Variants in SAMD8 observed in about 807,000 individuals in gnomAD.
The protein encoded by SAMD8 is sterile alpha motif domain containing 8, also known as sphingomyelin synthase-related protein 1.
Under a neutral mutation model 42.0 loss-of-function variants are expected in SAMD8, and 20 were observed. The observed-to-expected ratio is 0.48, with a 90% CI of 0.34 to 0.69. The LOEUF is 0.69. Ranked by LOEUF, SAMD8 falls within the 30% of genes least tolerant of loss-of-function variation. The pLI is 0.01. For synonymous variants in SAMD8, 162 were observed against 173.0 expected (o/e 0.94, Z 0.50); for missense variants, 328 against 511.6 (o/e 0.64, Z 3.46).
chr10:75,149,748 A>G (rs1840237468), intron 1 of SAMD8, among the ~76,000 whole-genome samples: 3 of 152,120 alleles, frequency 2.0e-5, no homozygotes, highest in African/African-American at 7.2e-5. Context: ...AAAATATAAT[A>G]AATCTTCCTA....
intron 1 of SAMD8, among the ~76,000 whole-genome samples, chr10:75,141,836 T>A (rs1426933163): frequency 6.6e-6 from 1 of 150,896 alleles, no homozygotes; most frequent in East Asian, 2.0e-4. Context: ...CCACCACGCC[T>A]GGCCTGCCTT....
intron 2 of SAMD8, among the ~76,000 whole-genome samples, chr10:75,155,462 A>G (rs1230808659): frequency 6.6e-6 from 1 of 152,156 alleles, no homozygotes. Flanking sequence ...CCAAGCAAAA[A>G]AAAAAAAAAG....
At chr10:75,120,495 T>G (rs1848978869) in intron 1 of SAMD8, among the ~76,000 whole-genome samples, 1 of 151,988 alleles carries the variant, frequency 6.6e-6, no homozygotes, top group Admixed American at 6.6e-5. Flanking sequence ...GGTCTCTATC[T>G]CCTGACCTCG....
At chr10:75,143,140 T>G (rs959372905) in intron 1 of SAMD8, among the ~76,000 whole-genome samples, 2 of 152,058 alleles carry the variant, frequency 1.3e-5, no homozygotes, top group African/African-American at 4.8e-5. Flanking sequence ...AATCTCGTCT[T>G]TACTAAAAAT....
intron 1 of SAMD8, among the ~76,000 whole-genome samples, chr10:75,101,073 G>C (rs1217063416): frequency 6.6e-6 from 1 of 152,252 alleles, no homozygotes; most frequent in Admixed American, 6.5e-5. Context: ...CTCAGGGCAG[G>C]ACCAGTGAGG....
rs1019934210 is a variant in SAMD8 at position 75,181,034 on chromosome 10, C to G, written c.*4342C>G. The G allele has an allele frequency of 3.3e-5, 5 of 152,110 alleles. No homozygotes were observed. Among genetic ancestry groups the G allele is most frequent in the African/African-American group, 1.2e-4 (5 of 41,442 alleles). 9.4% of individuals were successfully genotyped at this position (152,110 alleles called of 1,614,324 possible). ...TAATTATTTTATAGTCTTTTATAGA[C>G]TTACATTTTCTTCATACTAAAGGTA... On this transcript the variant is annotated 3_prime_UTR_variant, in exon 6 of 6. Coordinates refer to ENST00000542569, the MANE Select transcript of SAMD8 (RefSeq NM_001174156.2).
chr10:75,107,248 T>C (rs1389707738), upstream of SAMD8, among the ~76,000 whole-genome samples: 1 of 151,414 alleles, frequency 6.6e-6, no homozygotes, highest in Non-Finnish European at 1.5e-5. Context: ...GACACGAAAA[T>C]TGCTTGAAGC....
At chr10:75,143,966 CTT>C (rs536028273) in intron 1 of SAMD8, among the ~76,000 whole-genome samples, 47 of 134,906 alleles carry the variant, frequency 3.5e-4, no homozygotes, top group African/African-American at 7.3e-4. Flanking sequence ...ATAATTTAAA[CTT>C]TTTTTTTTTT....
intron 1 of SAMD8, among the ~76,000 whole-genome samples, chr10:75,127,742 C>T (rs1397292237): frequency 1.3e-5 from 2 of 152,166 alleles, no homozygotes; most frequent in African/African-American, 4.8e-5. Flanking sequence ...AGCTGATAAT[C>T]CCAGTTACAT....
At chr10:75,112,273 G>T (rs777302603) in intron 1 of SAMD8, among the ~76,000 whole-genome samples, 1 of 152,244 alleles carries the variant, frequency 6.6e-6, no homozygotes, top group Non-Finnish European at 1.5e-5. Flanking sequence ...TGACTAGAAG[G>T]AGGAGGGCTG....
At chr10:75,137,615 C>T (rs191098347) in intron 1 of SAMD8, among the ~76,000 whole-genome samples, 1 of 151,252 alleles carries the variant, frequency 6.6e-6, no homozygotes, top group East Asian at 1.9e-4. Context: ...TGAAATGAGA[C>T]ACAAAAGAAC....
intron 1 of SAMD8, among the ~76,000 whole-genome samples, chr10:75,100,356 C>T (rs1848079963): frequency 1.3e-5 from 2 of 152,150 alleles, no homozygotes; most frequent in Admixed American, 1.3e-4. Flanking sequence ...GGGTGTTGCC[C>T]CACCTGTCCA....
At chr10:75,102,392 G>A (rs1206313577) in intron 1 of SAMD8, among the ~76,000 whole-genome samples, 1 of 152,062 alleles carries the variant, frequency 6.6e-6, no homozygotes, top group Non-Finnish European at 1.5e-5. Context: ...GCAGTGAGCC[G>A]AGATCGCGCC....
At chr10:75,138,268 G>C (rs866476899) in intron 1 of SAMD8, among the ~76,000 whole-genome samples, 8 of 152,260 alleles carry the variant, frequency 5.3e-5, no homozygotes, top group Middle Eastern at 3.4e-3. Flanking sequence ...TCTGCCACAG[G>C]CACTGAGTCA....
At chr10:75,134,605 A>T (rs1564681166) in intron 1 of SAMD8, among the ~76,000 whole-genome samples, 1 of 151,802 alleles carries the variant, frequency 6.6e-6, no homozygotes, top group Non-Finnish European at 1.5e-5. Flanking sequence ...ACTGCACTCC[A>T]GCTTGGGTGG....
chr10:75,174,254 C>T (rs987402047), intron 4 of SAMD8, among the ~76,000 whole-genome samples: 3 of 151,974 alleles, frequency 2.0e-5, no homozygotes, highest in East Asian at 1.9e-4. Flanking sequence ...CTCAGCCTCC[C>T]GAGTAGCTGG....
chr10:75,120,046 C>T (rs1848969661), intron 1 of SAMD8, among the ~76,000 whole-genome samples: 7 of 152,008 alleles, frequency 4.6e-5, no homozygotes. Flanking sequence ...CCAGCCTGGG[C>T]GACAGAGTGA....
At chr10:75,134,270 G>A (rs558568348) in intron 1 of SAMD8, among the ~76,000 whole-genome samples, 24 of 152,256 alleles carry the variant, frequency 1.6e-4, no homozygotes, top group South Asian at 1.0e-3. Context: ...GATAGGTGCA[G>A]CAAACCACCA....
chr10:75,150,956 G>T lies in SAMD8; in HGVS notation c.428G>T (p.Arg143Leu), dbSNP rs143475618. The change falls in exon 2 of 6, where the codon CGA becomes CTA. Residue 143 changes from arginine to leucine, a missense_variant. This residue lies in a region of SAMD8 where 150 missense variants were observed against 186.0 expected (regional missense o/e 0.81). Coordinates refer to ENST00000542569, the MANE Select transcript of SAMD8 (RefSeq NM_001174156.2). The part of the protein sequence containing the change: ...YMNGKNKHSV[R>L]RLDPEYWKTI... ...AATGGTAAAAACAAACATTCTGTTCGAAGATTGGACCCAGAATACTGGAAG... is the reference window on the plus strand; with the variant it reads ...AATGGTAAAAACAAACATTCTGTTCTAAGATTGGACCCAGAATACTGGAAG... The T allele has an allele frequency of 6.2e-7, 1 of 1,613,228 alleles. No homozygotes were observed. Among genetic ancestry groups the T allele is most frequent in the East Asian group, 2.2e-5 (1 of 44,882 alleles).
Sources: allele counts gnomAD v4.1 joint callset (sites outside exome capture counted in the v4.1 genomes callset), GRCh38; gene constraint gnomAD v4.1.1; regional missense constraint gnomAD v4.1.1; transcripts MANE v1.5; gene names NCBI Gene and HGNC (gene_info 2026-07-23, HGNC 2026-07-21).